PCLO: variants seen among roughly 807,000 people sequenced by gnomAD.
The protein encoded by PCLO is piccolo presynaptic cytomatrix protein.
In PCLO, 82 loss-of-function variants were observed where a neutral mutation model predicts 427.5. That is an observed-to-expected ratio of 0.19 (90% CI 0.16 to 0.23). The LOEUF (loss-of-function observed/expected upper bound fraction) is 0.23. PCLO is among the 10% of genes least tolerant of loss of function. The pLI is 1.00. For synonymous variants in PCLO, 2,357 were observed against 2,155.4 expected (o/e 1.09, Z -2.59); for missense variants, 6,239 against 6,115.9 (o/e 1.02, Z -0.67).
intron 3 of PCLO, among the ~76,000 whole-genome samples, chr7:83,037,498 T>G (rs1303643187): frequency 6.6e-6 from 1 of 151,912 alleles, no homozygotes; most frequent in Admixed American, 6.6e-5. Flanking sequence ...CATCAGAAAG[T>G]GTACTCTACT....
chr7:83,029,366 A>C (rs886406050), intron 3 of PCLO, among the ~76,000 whole-genome samples: 3 of 151,614 alleles, frequency 2.0e-5, no homozygotes, highest in Non-Finnish European at 2.9e-5. Context: ...AAAAATGCTC[A>C]TCATCACTGG....
chr7:83,012,325 A>C (rs1788101237), intron 3 of PCLO, among the ~76,000 whole-genome samples: 1 of 152,174 alleles, frequency 6.6e-6, no homozygotes, highest in East Asian at 1.9e-4. Context: ...AATTGTTTTT[A>C]AGGAAAAGCC....
At chr7:83,061,902 G>C (rs531720048) in intron 3 of PCLO, among the ~76,000 whole-genome samples, 1 of 152,208 alleles carries the variant, frequency 6.6e-6, no homozygotes, top group Admixed American at 6.5e-5. Flanking sequence ...CTGAGAACCT[G>C]AGGCCATTTT....
chr7:82,821,241 T>TG, intron 20 of PCLO: 1 of 987,596 alleles, frequency 1.0e-6, no homozygotes, highest in South Asian at 4.7e-5. Context: ...ACTCCTGCTA[T>TG]GCTGTGTCTG....
intron 10 of PCLO, among the ~76,000 whole-genome samples, chr7:82,864,053 A>G (rs77655331): frequency 0.061 from 9,238 of 152,178 alleles, 378 homozygotes; most frequent in East Asian, 0.15. Flanking sequence ...GGCAGTTTGA[A>G]AAGCCAGGTC....
In PCLO at chr7:82,915,303, C is replaced by A. The variant is rs767959593; in HGVS notation, c.12683G>T (p.Gly4228Val). The change falls in exon 7 of 25, where the codon GGT becomes GTT. Residue 4228 changes from glycine to valine, a missense_variant. Coordinates refer to ENST00000333891, the MANE Select transcript of PCLO (RefSeq NM_033026.6). ...SYMTSSTSSI[G>V]GISSRARLLQ... ...GAGCCTTGCCCTGGAGGAAATGCCACCAATAGATGAAGTGCTAGAAGTCAT... is the reference window on the plus strand; with the variant it reads ...GAGCCTTGCCCTGGAGGAAATGCCAACAATAGATGAAGTGCTAGAAGTCAT... The A allele has an allele frequency of 3.7e-6, 6 of 1,613,560 alleles. No individual in the cohort carries two copies. The South Asian group carries it at 6.6e-5, about 18-fold the overall frequency.
intron 9 of PCLO, among the ~76,000 whole-genome samples, chr7:82,884,465 C>T (rs2116075556): frequency 6.6e-6 from 1 of 152,246 alleles, no homozygotes; most frequent in East Asian, 1.9e-4. Context: ...ATAATTCCTA[C>T]CAAGAAAATT....
intron 3 of PCLO, among the ~76,000 whole-genome samples, chr7:83,024,595 G>A (rs982013933): frequency 6.6e-6 from 1 of 152,154 alleles, no homozygotes; most frequent in African/African-American, 2.4e-5. Context: ...GAACTGGGTG[G>A]AGCCCACCAC....
At chr7:82,813,816 A>C (rs546349657) in intron 20 of PCLO, among the ~76,000 whole-genome samples, 2 of 151,944 alleles carry the variant, frequency 1.3e-5, no homozygotes, top group African/African-American at 4.8e-5. Context: ...TTTGGCATTA[A>C]ATATTTTGAA....
chr7:82,985,931 G>T (rs1274099364), intron 3 of PCLO, among the ~76,000 whole-genome samples: 2 of 151,734 alleles, frequency 1.3e-5, no homozygotes, highest in African/African-American at 4.8e-5. Context: ...ATTATTTTTA[G>T]AAACAAATAT....
intron 15 of PCLO, among the ~76,000 whole-genome samples, chr7:82,837,549 G>T (rs1035512857): frequency 6.6e-6 from 1 of 151,928 alleles, no homozygotes; most frequent in Non-Finnish European, 1.5e-5. Context: ...AACTATCCTT[G>T]AGTACTGACT....
At position 83,013,118 on chromosome 7, in the gene PCLO, TATATAA is replaced by T. The variant is rs569058889; in HGVS notation, c.3301-46637_3301-46632del. Among the ~76,000 whole-genome samples the T allele has an allele frequency of 2.2e-4, 33 of 152,206 alleles. 1 individual carries two copies. In the South Asian group the frequency reaches 6.6e-3, roughly 31 times the overall value. ...TATATACATATATTTTCCAGCTAGG[TATATAA>T]ATAAAAGTGAATATGGCACTTATAA... On this transcript the variant is annotated intron_variant, in intron 3 of 24. Transcript: ENST00000333891.
intron 3 of PCLO, among the ~76,000 whole-genome samples, chr7:83,038,221 A>G (rs2116194450): frequency 6.7e-6 from 1 of 148,688 alleles, no homozygotes; most frequent in African/African-American, 2.5e-5. Context: ...TGTTTAATAT[A>G]CACACATACC....
At chr7:82,767,499 G>A (rs17156630) in intron 22 of PCLO, among the ~76,000 whole-genome samples, 9,676 of 151,828 alleles carry the variant, frequency 0.064, 711 homozygotes, top group African/African-American at 0.18. Context: ...TTAGTGAAGT[G>A]GAAACATCAT....
At chr7:83,104,993 T>C (rs1790820263) in intron 3 of PCLO, among the ~76,000 whole-genome samples, 1 of 152,152 alleles carries the variant, frequency 6.6e-6, no homozygotes, top group African/African-American at 2.4e-5. Context: ...AGCAAGATCC[T>C]AAATATTCCT....
At chr7:83,156,460 T>C (rs927851589) in intron 1 of PCLO, 68 bp from the exon 2 acceptor site, 2 of 1,038,336 alleles carry the variant, frequency 1.9e-6, no homozygotes, top group Non-Finnish European at 2.7e-6. Context: ...ATCAAAGTAA[T>C]ACAAAAAACC....
At position 82,755,500 on chromosome 7, in the gene PCLO, G is replaced by A. The variant is rs1473130329; in HGVS notation, c.*3075C>T. 1 of 152,022 alleles carries A rather than the reference G, an allele frequency of 6.6e-6. No homozygotes were observed. Among genetic ancestry groups the A allele is most frequent in the African/African-American group, 2.4e-5 (1 of 41,418 alleles). The allele number at this position is 152,022 out of a possible 1,614,324, so 9.4% of individuals were successfully genotyped here. A position where few individuals can be genotyped will look rare whatever the true frequency, so the allele number is the denominator to read the frequency against. ...TGTGCTTTTGTTTCTACAGCCGAAA[G>A]TTTCTTTAGGACCAAATTTGAAACC... is the stretch of plus-strand genomic sequence containing the variant. On this transcript the variant is annotated 3_prime_UTR_variant, in exon 25 of 25. Transcript: ENST00000333891.
Position 82,801,933 on chromosome 7 carries a change from T to C in PCLO, c.14934-342A>G, listed in dbSNP as rs1183362123. Among the ~76,000 whole-genome samples the C allele has an allele frequency of 4.6e-5, 7 of 152,224 alleles. No homozygotes were observed. In the East Asian group the frequency reaches 1.3e-3, roughly 29 times the overall value. ...TGTTTTAGAATTTTTTATTTATTTC[T>C]AACTCAACAATGAGAAGGGGCTTTA... On this transcript the variant is annotated intron_variant, in intron 21 of 24. Transcript: ENST00000333891.
chr7:82,884,891 A>C (rs906340888), intron 9 of PCLO, among the ~76,000 whole-genome samples: 2 of 152,160 alleles, frequency 1.3e-5, no homozygotes, highest in African/African-American at 4.8e-5. Flanking sequence ...GTGTAAAGCT[A>C]TGATGTGCTT....
Sources: gnomAD v4.1 joint callset for allele counts (sites outside exome capture counted in the v4.1 genomes callset) on GRCh38, gnomAD v4.1.1 for gene constraint, MANE v1.5 for transcripts, NCBI Gene and HGNC (gene_info 2026-07-23, HGNC 2026-07-21) for gene names.